The following PTPRD variants were observed in gnomAD, a reference collection of about 807,000 sequenced individuals.
The protein encoded by PTPRD is receptor-type tyrosine-protein phosphatase delta.
Under a neutral mutation model 214.5 loss-of-function variants are expected in PTPRD, and 34 were observed. That is an observed-to-expected ratio of 0.16 (90% CI 0.12 to 0.21). The LOEUF (loss-of-function observed/expected upper bound fraction) is 0.21, where lower values mean the gene tolerates loss of function less well. Among genes scored for constraint, PTPRD ranks in the 10% least tolerant of loss-of-function variants. PTPRD has a pLI of 1.00. For missense variants in PTPRD, 2,545 were observed against 2,398.7 expected (o/e 1.06, Z -1.27); for synonymous variants, 1,128 against 845.7 (o/e 1.33, Z -5.79).
At chr9:9,169,067 A>C (rs530659429) in intron 10 of PTPRD, among the ~76,000 whole-genome samples, 18 of 152,128 alleles carry the variant, frequency 1.2e-4, no homozygotes, top group African/African-American at 4.3e-4. Context: ...AATTTTTATC[A>C]GTGGAAATCA....
chr9:10,062,051 A>T (rs2154170042), intron 3 of PTPRD, among the ~76,000 whole-genome samples: 1 of 152,176 alleles, frequency 6.6e-6, no homozygotes, highest in South Asian at 2.1e-4. Context: ...TACTGTTAAA[A>T]GATTGAATAA....
chr9:10,101,288 G>C (rs976398905), intron 3 of PTPRD, among the ~76,000 whole-genome samples: 1 of 151,620 alleles, frequency 6.6e-6, no homozygotes, highest in African/African-American at 2.4e-5. Context: ...ATTGATGTAG[G>C]TGTGAAATTT....
At chr9:10,374,507 C>T (rs1190498234) in intron 2 of PTPRD, among the ~76,000 whole-genome samples, 3 of 152,018 alleles carry the variant, frequency 2.0e-5, no homozygotes, top group African/African-American at 7.2e-5. Context: ...CACGGAATAA[C>T]TGTCTCTTTC....
At chr9:9,138,930 C>G (rs1057023163) in intron 10 of PTPRD, among the ~76,000 whole-genome samples, 2 of 152,060 alleles carry the variant, frequency 1.3e-5, no homozygotes, top group Non-Finnish European at 2.9e-5. Context: ...ACCCTAGACA[C>G]TAAGTAATAG....
intron 8 of PTPRD, among the ~76,000 whole-genome samples, chr9:9,497,095 A>C (rs2096226990): frequency 6.6e-6 from 1 of 152,178 alleles, no homozygotes; most frequent in Non-Finnish European, 1.5e-5. Context: ...TTGGGGAGGC[A>C]GAGAATGGGG....
At chr9:10,574,347 G>A (rs1322314) in intron 2 of PTPRD, among the ~76,000 whole-genome samples, 63,528 of 151,812 alleles carry the variant, frequency 0.42, 13,561 homozygotes, top group African/African-American at 0.5. Context: ...AAGAGGAACC[G>A]TTGAACTTCA....
chr9:9,578,670 T>A (rs948069934), intron 7 of PTPRD, among the ~76,000 whole-genome samples: 2 of 152,118 alleles, frequency 1.3e-5, no homozygotes, highest in African/African-American at 4.8e-5. Context: ...ATTTCTACAT[T>A]GTATCTCATG....
chr9:8,625,356 A>G (rs2095988845), intron 14 of PTPRD, among the ~76,000 whole-genome samples: 2 of 151,876 alleles, frequency 1.3e-5, no homozygotes, highest in Non-Finnish European at 1.5e-5. Context: ...CTAGTTGACC[A>G]GTAAATGACA....
At chr9:10,319,661 T>C (rs1383967874) in intron 3 of PTPRD, among the ~76,000 whole-genome samples, 2 of 152,068 alleles carry the variant, frequency 1.3e-5, no homozygotes, top group Non-Finnish European at 2.9e-5. Context: ...AAATGAATGA[T>C]GATGAATGCA....
At chr9:8,857,081 G>T (rs1416481999) in intron 11 of PTPRD, among the ~76,000 whole-genome samples, 1 of 152,156 alleles carries the variant, frequency 6.6e-6, no homozygotes, top group African/African-American at 2.4e-5. Context: ...TGAACTACGA[G>T]CTTTGATTCT....
At chr9:10,350,343 G>A (rs1597780356) in intron 2 of PTPRD, among the ~76,000 whole-genome samples, 1 of 151,850 alleles carries the variant, frequency 6.6e-6, no homozygotes, top group East Asian at 1.9e-4. Context: ...AAACAATTCT[G>A]TTATCTAAAT....
At chr9:9,252,825 T>A (rs1255644747) in intron 9 of PTPRD, among the ~76,000 whole-genome samples, 1 of 152,096 alleles carries the variant, frequency 6.6e-6, no homozygotes, top group Non-Finnish European at 1.5e-5. Flanking sequence ...CTTTTCTGTC[T>A]TGTTAATCTG....
chr9:9,539,757 A>C (rs2077211075), intron 8 of PTPRD, among the ~76,000 whole-genome samples: 1 of 151,896 alleles, frequency 6.6e-6, no homozygotes, highest in Non-Finnish European at 1.5e-5. Flanking sequence ...AATGCTACTC[A>C]CTAAATTGCT....
intron 12 of PTPRD, among the ~76,000 whole-genome samples, chr9:8,693,666 G>A (rs777216554): frequency 2.0e-5 from 3 of 152,212 alleles, no homozygotes; most frequent in Admixed American, 6.5e-5. Flanking sequence ...AGGAAATGTA[G>A]CGTGTTAATC....
chr9:10,350,202 G>C (rs2097158914), intron 2 of PTPRD, among the ~76,000 whole-genome samples: 1 of 152,002 alleles, frequency 6.6e-6, no homozygotes, highest in African/African-American at 2.4e-5. Flanking sequence ...CAGCATAGAG[G>C]CCTTATCAGT....
At chr9:9,769,080 A>G (rs1176304814) in intron 5 of PTPRD, among the ~76,000 whole-genome samples, 1 of 151,926 alleles carries the variant, frequency 6.6e-6, no homozygotes, top group Non-Finnish European at 1.5e-5. Context: ...ATAGGCTAAT[A>G]TTAGGAGGAA....
At chr9:8,474,783 A>G (rs1289027780) in intron 30 of PTPRD, among the ~76,000 whole-genome samples, 1 of 152,208 alleles carries the variant, frequency 6.6e-6, no homozygotes, top group Non-Finnish European at 1.5e-5. Context: ...TCATCTGTCT[A>G]CCAAAGTACA....
chr9:9,901,138 C>T (rs560995460), intron 5 of PTPRD, among the ~76,000 whole-genome samples: 6 of 152,094 alleles, frequency 3.9e-5, no homozygotes, highest in Middle Eastern at 6.8e-3. Flanking sequence ...TATAACACGG[C>T]GAGACTGGAA....
chr9:10,076,905 A>G (rs1450586724), intron 3 of PTPRD, among the ~76,000 whole-genome samples: 1 of 152,182 alleles, frequency 6.6e-6, no homozygotes, highest in African/African-American at 2.4e-5. Flanking sequence ...TTTGTAGAGT[A>G]GATGTTGCAG....
Sources: allele counts gnomAD v4.1 joint callset (sites outside exome capture counted in the v4.1 genomes callset), GRCh38; gene constraint gnomAD v4.1.1; transcripts MANE v1.5; gene names NCBI Gene and HGNC (gene_info 2026-07-23, HGNC 2026-07-21).